AMBRA1: variants seen among roughly 807,000 people sequenced by gnomAD.
AMBRA1 encodes the protein autophagy and beclin 1 regulator 1.
A neutral mutation model predicts 125.4 loss-of-function variants in AMBRA1; 47 were observed. That is an observed-to-expected ratio of 0.37 (90% CI 0.30 to 0.48). AMBRA1 has a LOEUF of 0.48. AMBRA1 is among the 20% of genes least tolerant of loss of function. The probability of loss-of-function intolerance (pLI) is 0.99; values close to 1 mark genes in which losing one functional copy is unlikely to be tolerated. For missense variants in AMBRA1, 1,331 were observed against 1,693.4 expected (o/e 0.79, Z 3.76); for synonymous variants, 626 against 655.5 (o/e 0.95, Z 0.69).
At position 46,493,633 on chromosome 11, in the gene AMBRA1, G is replaced by A. The variant is rs750869328; in HGVS notation, c.2496C>T (p.His832=). ...CTGCCAGGACCCTGTTAACAGAAGA[G>A]TGAGTAGCCAAGCCAGGCTGTCCAC... ...HERGQPGLAT[H]SSVNRVLAGA... Residue 832 remains histidine (H), a synonymous_variant, in exon 11 of 18, where the codon CAC becomes CAT. Transcript: ENST00000683756. The A allele has an allele frequency of 3.7e-6, 6 of 1,605,526 alleles. No individual in the cohort carries two copies. In the Admixed American group the frequency reaches 1.0e-4, roughly 28 times the overall value.
chr11:46,520,160 T>A (rs899295331), intron 7 of AMBRA1, among the ~76,000 whole-genome samples: 1 of 149,700 alleles, frequency 6.7e-6, no homozygotes, highest in African/African-American at 2.5e-5. Context: ...AAAAAAAAAT[T>A]ACGAGGCTCC....
At chr11:46,486,771 T>C (rs1159947452) in intron 11 of AMBRA1, among the ~76,000 whole-genome samples, 1 of 152,084 alleles carries the variant, frequency 6.6e-6, no homozygotes. Context: ...CTGGGCATGG[T>C]CGTGGGCACC....
intron 17 of AMBRA1, among the ~76,000 whole-genome samples, chr11:46,403,155 C>G (rs1945844368): frequency 6.6e-6 from 1 of 152,208 alleles, no homozygotes; most frequent in Non-Finnish European, 1.5e-5. Context: ...AAGCAGAGGC[C>G]AGGGTAGGAT....
chr11:46,543,834 G>C (rs1329043674), intron 6 of AMBRA1, 141 bp downstream of exon 6: 2 of 736,958 alleles, frequency 2.7e-6, no homozygotes, highest in Non-Finnish European at 4.6e-6. Context: ...TGAATATACA[G>C]TCTGAAGCTA....
At chr11:46,580,586 C>G (rs1038819733) in intron 1 of AMBRA1, among the ~76,000 whole-genome samples, 2 of 152,172 alleles carry the variant, frequency 1.3e-5, no homozygotes, top group African/African-American at 4.8e-5. Context: ...TTCTTCTTCC[C>G]ACACATCCAA....
At chr11:46,435,481 C>T (rs1293735927) in intron 12 of AMBRA1, among the ~76,000 whole-genome samples, 1 of 152,194 alleles carries the variant, frequency 6.6e-6, no homozygotes, top group Non-Finnish European at 1.5e-5. Context: ...CTATTCAACA[C>T]CTGTTATGTG....
chr11:46,517,296 C>T (rs1591008037), intron 7 of AMBRA1, among the ~76,000 whole-genome samples: 5 of 150,896 alleles, frequency 3.3e-5, no homozygotes, highest in Middle Eastern at 6.8e-3. Context: ...TACAGGCGTC[C>T]ACCACCACAC....
At chr11:46,416,754 A>C (rs1185944592) in intron 15 of AMBRA1, among the ~76,000 whole-genome samples, 1 of 152,246 alleles carries the variant, frequency 6.6e-6, no homozygotes, top group Non-Finnish European at 1.5e-5. Context: ...GGAGGTCAAC[A>C]TGAGGACAGC....
intron 11 of AMBRA1, among the ~76,000 whole-genome samples, chr11:46,464,236 G>A (rs1949225808): frequency 6.6e-6 from 1 of 152,186 alleles, no homozygotes; most frequent in Admixed American, 6.5e-5. Flanking sequence ...AATGTCATCA[G>A]GACGCCCTGT....
In AMBRA1 at chr11:46,547,838, A is replaced by T; in HGVS notation, c.173T>A (p.Leu58Ter). ...ELPDSPRSTF[L>*]LAFSPDRTLL... ...GTACCTGTCTGGGCTGAAGGCCAAT[A>T]AGAAGGTAGAGCGTGGACTATCCGG... The change falls in exon 3 of 18, where the codon TTA becomes TAA. Residue 58 changes from leucine (L) to a stop codon, truncating the protein, a stop_gained. Transcript: ENST00000683756. LOFTEE classifies it high-confidence loss of function. 6.2e-7 allele frequency: 1 copy of T among 1,611,176 alleles called. No individual in the cohort carries two copies. Among genetic ancestry groups the T allele is most frequent in the Non-Finnish European group, 8.5e-7 (1 of 1,178,628 alleles).
intron 1 of AMBRA1, among the ~76,000 whole-genome samples, chr11:46,553,466 G>C (rs1012929841): frequency 6.6e-6 from 1 of 152,028 alleles, no homozygotes; most frequent in African/African-American, 2.4e-5. Context: ...ACCAAGTTTG[G>C]CCAGGTGCAG....
chr11:46,429,281 G>T, intron 14 of AMBRA1: 1 of 771,212 alleles, frequency 1.3e-6, no homozygotes, highest in Non-Finnish European at 2.1e-6. Context: ...GGTGTGTGGG[G>T]AGTGGGAGAG....
At chr11:46,566,348 G>C (rs1317785380) in intron 1 of AMBRA1, among the ~76,000 whole-genome samples, 3 of 151,968 alleles carry the variant, frequency 2.0e-5, no homozygotes, top group African/African-American at 7.3e-5. Flanking sequence ...AACCCAGGAG[G>C]CAGAGGTTGC....
intron 11 of AMBRA1, among the ~76,000 whole-genome samples, chr11:46,483,513 A>G (rs927344322): frequency 1.3e-5 from 2 of 152,202 alleles, no homozygotes; most frequent in African/African-American, 4.8e-5. Context: ...GCCAGCTCCC[A>G]TGGCATTTCC....
At chr11:46,573,315 A>G (rs1223208468) in intron 1 of AMBRA1, among the ~76,000 whole-genome samples, 1 of 151,976 alleles carries the variant, frequency 6.6e-6, no homozygotes, top group Non-Finnish European at 1.5e-5. Flanking sequence ...TGAGGCAGAG[A>G]ATCGCTGGAA....
chr11:46,525,880 C>G (rs762930754), intron 7 of AMBRA1, among the ~76,000 whole-genome samples: 5 of 151,936 alleles, frequency 3.3e-5, no homozygotes, highest in African/African-American at 4.8e-5. Flanking sequence ...CCATTGCACT[C>G]CAGCCTGGGT....
chr11:46,536,648 T>C (rs1414160919), intron 7 of AMBRA1, among the ~76,000 whole-genome samples: 1 of 152,192 alleles, frequency 6.6e-6, no homozygotes, highest in Non-Finnish European at 1.5e-5. Flanking sequence ...ACCCATTTAT[T>C]TTCCTCCATC....
chr11:46,546,876 G>C (rs1396840355), intron 4 of AMBRA1, among the ~76,000 whole-genome samples: 1 of 152,070 alleles, frequency 6.6e-6, no homozygotes, highest in East Asian at 1.9e-4. Flanking sequence ...TTCAAGATCA[G>C]CCTGGCCAAC....
At chr11:46,566,237 G>A (rs973768887) in intron 1 of AMBRA1, among the ~76,000 whole-genome samples, 1 of 152,096 alleles carries the variant, frequency 6.6e-6, no homozygotes, top group African/African-American at 2.4e-5. Context: ...TGCCCAACAC[G>A]GTGAAACCCG....
Sources: allele counts gnomAD v4.1 joint callset (sites outside exome capture counted in the v4.1 genomes callset), GRCh38; gene constraint gnomAD v4.1.1; transcripts MANE v1.5; gene names NCBI Gene and HGNC (gene_info 2026-07-23, HGNC 2026-07-21).